Variants in AK5 observed in about 807,000 individuals in gnomAD.
AK5 encodes adenylate kinase 5, also known as adenylate kinase isoenzyme 5.
Under a neutral mutation model 69.5 loss-of-function variants are expected in AK5, and 27 were observed. That is an observed-to-expected ratio of 0.39 (90% confidence interval 0.29 to 0.54). AK5 has a LOEUF of 0.54. Among genes scored for constraint, AK5 ranks in the 20% least tolerant of loss-of-function variants. AK5 has a pLI of 0.71. For missense variants in AK5, 531 were observed against 700.4 expected, an observed-to-expected ratio of 0.76 and a Z score of 2.73; for synonymous variants, 260 against 244.4, an observed-to-expected ratio of 1.06 and a Z score of -0.60.
At chr1:77,397,001 C>G (rs978938174) in intron 6 of AK5, among the ~76,000 whole-genome samples, 2 of 152,224 alleles carry the variant, frequency 1.3e-5, no homozygotes, top group African/African-American at 4.8e-5. Context: ...CCACTCACTA[C>G]AGACACATGC....
At chr1:77,503,319 G>C (rs1440504439) in intron 10 of AK5, among the ~76,000 whole-genome samples, 1 of 151,214 alleles carries the variant, frequency 6.6e-6, no homozygotes, top group Non-Finnish European at 1.5e-5. Flanking sequence ...GAGGGCTAAA[G>C]GATTGTTTTA....
intron 3 of AK5, among the ~76,000 whole-genome samples, chr1:77,295,417 A>G (rs1658938973): frequency 6.6e-6 from 1 of 152,238 alleles, no homozygotes; most frequent in Non-Finnish European, 1.5e-5. Context: ...AATTGTTAAA[A>G]ACAAAATTAC....
intron 2 of AK5, among the ~76,000 whole-genome samples, chr1:77,289,645 A>G (rs1478068574): frequency 6.6e-6 from 1 of 152,204 alleles, no homozygotes; most frequent in African/African-American, 2.4e-5. Context: ...CACAGAAGAT[A>G]GGCATGTGTC....
chr1:77,361,479 G>A (rs1646863432), intron 6 of AK5, among the ~76,000 whole-genome samples: 1 of 152,138 alleles, frequency 6.6e-6, no homozygotes, highest in African/African-American at 2.4e-5. Flanking sequence ...AAGACTAAGT[G>A]AAATACTATT....
chr1:77,367,490 T>A (rs1646972513), intron 6 of AK5, among the ~76,000 whole-genome samples: 1 of 140,946 alleles, frequency 7.1e-6, no homozygotes. Context: ...CTAGTTTTTT[T>A]TTGTTTGTTT....
At chr1:77,518,493 C>T (rs1657793600) in intron 10 of AK5, 71 bp from the exon 11 acceptor site, 2 of 1,513,952 alleles carry the variant, frequency 1.3e-6, no homozygotes, top group African/African-American at 1.4e-5. Context: ...GGCTTGCTCA[C>T]CATGGTGACT....
Position 77,385,607 on chromosome 1 carries a change from G to A in AK5, c.892-25374G>A, listed in dbSNP as rs559963344. Among the ~76,000 whole-genome samples the A allele has an allele frequency of 8.5e-5, 13 of 152,278 alleles. 1 individual carries two copies. In the East Asian group the frequency reaches 1.9e-3, roughly 23 times the overall value. ...ATAAATATGTGTGGTCAACGAAAAG[G>A]CCTTTTGAGGAAAGCTTTCAATATG... On this transcript the variant is annotated intron_variant, in intron 6 of 13. Coordinates refer to ENST00000354567, the MANE Select transcript of AK5 (RefSeq NM_174858.3).
At chr1:77,542,912 T>G (rs554077136) in intron 13 of AK5, among the ~76,000 whole-genome samples, 2 of 152,188 alleles carry the variant, frequency 1.3e-5, no homozygotes, top group South Asian at 4.2e-4. Context: ...CTTAACTGAT[T>G]AAAAAAATAA....
In AK5 at chr1:77,508,447, G is replaced by A. The variant is rs1657143706; in HGVS notation, c.1148-10117G>A. On this transcript the variant is annotated intron_variant, in intron 10 of 13. Transcript: ENST00000354567. The stretch of plus-strand genomic sequence containing the variant: ...TTAGCCGAAACATTACCAGTCTCAT[G>A]GCAAAGGGAAAAGACCTGGCATACC... Among the ~76,000 whole-genome samples the A allele has an allele frequency of 2.0e-5, 3 of 152,148 alleles. No individual in the cohort carries two copies. The South Asian group carries it at 6.2e-4, about 32-fold the overall frequency.
intron 6 of AK5, among the ~76,000 whole-genome samples, chr1:77,350,023 T>C (rs1444401071): frequency 1.3e-5 from 2 of 152,228 alleles, no homozygotes; most frequent in African/African-American, 4.8e-5. Context: ...AACAGCTATC[T>C]GTTGACATGC....
Position 77,535,867 on chromosome 1 carries a change from G to C in AK5, c.1449G>C (p.Val483=). The C allele has an allele frequency of 6.2e-7, 1 of 1,612,690 alleles. No individual in the cohort carries two copies. The highest frequency in any genetic ancestry group is 1.7e-5 in the Admixed American group (1 of 59,484). The change falls in exon 13 of 14, where the codon GTG becomes GTC. Residue 483 remains valine (V), a synonymous_variant. Transcript: ENST00000354567. ...FGRRIGDPQL[V]ICMDCSADTM... ...TCCAGATTGGAGACCCACAGTTGGTGATCTGTATGGACTGCTCGGCAGACA... is the reference window on the plus strand; with the variant it reads ...TCCAGATTGGAGACCCACAGTTGGTCATCTGTATGGACTGCTCGGCAGACA...
intron 6 of AK5, among the ~76,000 whole-genome samples, chr1:77,369,211 A>G (rs1647074654): frequency 6.6e-6 from 1 of 152,146 alleles, no homozygotes; most frequent in Admixed American, 6.5e-5. Context: ...AGGCTAAATA[A>G]CCTTTCTAAA....
chr1:77,483,304 AT>A lies in AK5; in HGVS notation c.1060-6del, dbSNP rs760230269. 17 of 1,606,148 alleles carry A rather than the reference AT, an allele frequency of 1.1e-5. No individual in the cohort carries two copies. Among genetic ancestry groups the A allele is most frequent in the Non-Finnish European group, 1.4e-5 (17 of 1,172,814 alleles). ...GCTGTTATTATTATCTAATATTGTGATTTTTTTAACAGGGTGATGACCAGTT... is the reference window on the plus strand; with the variant it reads ...GCTGTTATTATTATCTAATATTGTGATTTTTTAACAGGGTGATGACCAGTT... On this transcript the variant is annotated splice_polypyrimidine_tract_variant and intron_variant, in intron 8 of 13. Transcript: ENST00000354567.
Position 77,418,299 on chromosome 1 carries a change from C to T in AK5, c.1059+584C>T, listed in dbSNP as rs143620693. Reference sequence around the variant, plus strand: ...GGGAAACTCCTGATTTTAAAACCATCGGATCTTGTGAGACCCATTCACTAT... The same window carrying T: ...GGGAAACTCCTGATTTTAAAACCATTGGATCTTGTGAGACCCATTCACTAT... On this transcript the variant is annotated intron_variant, in intron 8 of 13. Transcript: ENST00000354567. Among the ~76,000 whole-genome samples, 772 of 152,220 alleles carry T rather than the reference C, an allele frequency of 5.1e-3. 7 individuals are homozygous for T. Among genetic ancestry groups the T allele is most frequent in the African/African-American group, 0.017 (711 of 41,524 alleles).
chr1:77,284,866 A>G (rs751688714), intron 1 of AK5, among the ~76,000 whole-genome samples: 2 of 152,320 alleles, frequency 1.3e-5, no homozygotes, highest in East Asian at 1.9e-4. Flanking sequence ...CCTTTGGTGA[A>G]CCAGTATTGT....
chr1:77,314,439 C>T (rs956521670), intron 5 of AK5: 2 of 152,304 alleles, frequency 1.3e-5, no homozygotes, highest in African/African-American at 2.4e-5. Flanking sequence ...GGAGAATGGA[C>T]CAAGAAATAC....
intron 6 of AK5, among the ~76,000 whole-genome samples, chr1:77,372,064 G>A (rs1167708846): frequency 6.6e-6 from 1 of 152,070 alleles, no homozygotes; most frequent in Non-Finnish European, 1.5e-5. Flanking sequence ...AATGCAACAT[G>A]TGCTGTTAGC....
chr1:77,508,653 G>A (rs1003522320), intron 10 of AK5, among the ~76,000 whole-genome samples: 17 of 152,240 alleles, frequency 1.1e-4, no homozygotes, highest in African/African-American at 3.9e-4. Flanking sequence ...GATCACCTGA[G>A]GTCAGGAGTT....
At position 77,284,678 on chromosome 1, in the gene AK5, A is replaced by G. The variant is rs866451761; in HGVS notation, c.61-2263A>G. On this transcript the variant is annotated intron_variant, in intron 1 of 13. Coordinates refer to ENST00000354567, the MANE Select transcript of AK5 (RefSeq NM_174858.3). ...TTGTAGCTTACAGCAGAGATTTGGC[A>G]ATCAATTTGAATACTGTGGAAAGTC... is the stretch of plus-strand genomic sequence containing the variant. Among the ~76,000 whole-genome samples the G allele has an allele frequency of 2.0e-5, 3 of 152,196 alleles. No individual in the cohort carries two copies. In the South Asian group the frequency reaches 6.2e-4, roughly 32 times the overall value.
Sources: allele counts gnomAD v4.1 joint callset (sites outside exome capture counted in the v4.1 genomes callset), GRCh38; gene constraint gnomAD v4.1.1; transcripts MANE v1.5; gene names NCBI Gene and HGNC (gene_info 2026-07-23, HGNC 2026-07-21).